The following TMTC1 variants were observed in gnomAD, a reference collection of about 807,000 sequenced individuals.
The protein encoded by TMTC1 is transmembrane O-mannosyltransferase targeting cadherins 1, also known as protein O-mannosyl-transferase TMTC1.
Under a neutral mutation model 104.8 loss-of-function variants are expected in TMTC1, and 73 were observed. That is an observed-to-expected ratio of 0.70 (90% CI 0.58 to 0.85). The LOEUF (loss-of-function observed/expected upper bound fraction) is 0.85. Among genes scored for constraint, TMTC1 ranks in the 40% least tolerant of loss-of-function variants. TMTC1 has a pLI of 0.00. For synonymous variants in TMTC1, 434 were observed against 428.7 expected (o/e 1.01, Z -0.15); for missense variants, 1,035 against 1,096.1 (o/e 0.94, Z 0.79).
chr12:29,647,897 G>A (rs111490958), intron 5 of TMTC1, among the ~76,000 whole-genome samples: 2,289 of 152,258 alleles, frequency 0.015, 55 homozygotes, highest in African/African-American at 0.053. Context: ...TCAAGTGTAG[G>A]CTGCTTTATG....
intron 5 of TMTC1, among the ~76,000 whole-genome samples, chr12:29,637,877 C>A (rs1290402402): frequency 6.6e-6 from 1 of 152,170 alleles, no homozygotes. Context: ...AGTTATTGCT[C>A]ATAGGATCTT....
intron 5 of TMTC1, among the ~76,000 whole-genome samples, chr12:29,744,919 TACTTA>T (rs971835652): frequency 2.0e-5 from 3 of 152,108 alleles, no homozygotes; most frequent in Admixed American, 6.5e-5. Flanking sequence ...ATAAGTTTTG[TACTTA>T]ACTTTTTTTT....
chr12:29,736,489 G>A (rs573719412), intron 5 of TMTC1, among the ~76,000 whole-genome samples: 5 of 151,900 alleles, frequency 3.3e-5, no homozygotes, highest in Admixed American at 6.5e-5. Context: ...GCGCGATCTG[G>A]GCTCACTGCA....
intron 7 of TMTC1, among the ~76,000 whole-genome samples, chr12:29,595,882 C>A (rs1946392481): frequency 6.6e-6 from 1 of 152,196 alleles, no homozygotes. Context: ...GAAAGCTTGA[C>A]AGACTCAGCT....
intron 5 of TMTC1, among the ~76,000 whole-genome samples, chr12:29,655,365 A>AT (rs901783106): frequency 2.3e-4 from 35 of 152,050 alleles, no homozygotes; most frequent in African/African-American, 8.2e-4. Context: ...ATCAGTAACA[A>AT]TTTTTTTTCC....
chr12:29,675,038 G>A (rs1319460964), intron 5 of TMTC1, among the ~76,000 whole-genome samples: 3 of 151,982 alleles, frequency 2.0e-5, no homozygotes, highest in Admixed American at 6.6e-5. Flanking sequence ...TCCAGTCACC[G>A]GACCATGTGC....
At chr12:29,537,662 G>A (rs1224835947) in intron 10 of TMTC1, among the ~76,000 whole-genome samples, 1 of 152,116 alleles carries the variant, frequency 6.6e-6, no homozygotes, top group East Asian at 1.9e-4. Flanking sequence ...AGATTCCCAG[G>A]TGATCTGTAT....
chr12:29,688,957 G>A (rs769166224), intron 5 of TMTC1, among the ~76,000 whole-genome samples: 31 of 152,102 alleles, frequency 2.0e-4, no homozygotes, highest in Middle Eastern at 3.2e-3. Flanking sequence ...AAAGTGTCAG[G>A]TGGGCCAACC....
intron 5 of TMTC1, among the ~76,000 whole-genome samples, chr12:29,693,297 A>G (rs1162688727): frequency 6.9e-6 from 1 of 144,964 alleles, no homozygotes; most frequent in Non-Finnish European, 1.5e-5. Flanking sequence ...AAATACATAC[A>G]ATGTGTGCTG....
intron 7 of TMTC1, among the ~76,000 whole-genome samples, chr12:29,587,692 T>C (rs955805345): frequency 2.0e-5 from 3 of 152,200 alleles, no homozygotes; most frequent in South Asian, 2.1e-4. Flanking sequence ...AGCCATCCTA[T>C]ATTGGAGACT....
intron 6 of TMTC1, among the ~76,000 whole-genome samples, chr12:29,611,680 C>T (rs550103597): frequency 7.9e-5 from 12 of 152,150 alleles, no homozygotes; most frequent in African/African-American, 2.7e-4. Context: ...CATTAGAAAG[C>T]TATGTATTGA....
intron 6 of TMTC1, among the ~76,000 whole-genome samples, chr12:29,629,944 C>T (rs1018626561): frequency 6.6e-6 from 1 of 152,048 alleles, no homozygotes; most frequent in Non-Finnish European, 1.5e-5. Flanking sequence ...CAGCCTTTTA[C>T]CTATTTGCAA....
intron 14 of TMTC1, among the ~76,000 whole-genome samples, chr12:29,517,135 A>C (rs1296614839): frequency 6.6e-6 from 1 of 152,210 alleles, no homozygotes; most frequent in Non-Finnish European, 1.5e-5. Context: ...TACACAATGG[A>C]GTGATAAATG....
chr12:29,502,874 A>G lies in TMTC1; in HGVS notation c.*3972T>C, dbSNP rs189305214. ...GAAGATTCCGAAAGGTCCTCAGGTG[A>G]TTCCAAAGTGCAGCCCGTGTTGAGA... On this transcript the variant is annotated 3_prime_UTR_variant, in exon 18 of 18. Transcript: ENST00000539277. The G allele has an allele frequency of 6.6e-6, 1 of 152,314 alleles. No homozygotes were observed. Among genetic ancestry groups the G allele is most frequent in the African/African-American group, 2.4e-5 (1 of 41,576 alleles). 9.4% of individuals were successfully genotyped at this position (152,314 alleles called of 1,614,324 possible). A position where few individuals can be genotyped will look rare whatever the true frequency, so the allele number is the denominator to read the frequency against.
At chr12:29,586,798 G>T (rs2136341195) in intron 7 of TMTC1, among the ~76,000 whole-genome samples, 1 of 149,732 alleles carries the variant, frequency 6.7e-6, no homozygotes, top group African/African-American at 2.5e-5. Context: ...CTTGATCATG[G>T]TGGATAAGCT....
At chr12:29,655,240 G>A (rs894443866) in intron 5 of TMTC1, among the ~76,000 whole-genome samples, 1 of 152,094 alleles carries the variant, frequency 6.6e-6, no homozygotes, top group Non-Finnish European at 1.5e-5. Flanking sequence ...ACAGAAAGTA[G>A]ACCAGTGGCT....
chr12:29,513,665 G>A (rs1186289640), intron 16 of TMTC1, among the ~76,000 whole-genome samples: 1 of 152,076 alleles, frequency 6.6e-6, no homozygotes, highest in South Asian at 2.1e-4. Context: ...CCAGATATAA[G>A]GAGAAAGTAT....
chr12:29,582,440 G>A (rs1282325382), intron 8 of TMTC1, among the ~76,000 whole-genome samples: 1 of 152,198 alleles, frequency 6.6e-6, no homozygotes, highest in Non-Finnish European at 1.5e-5. Context: ...ACAAGGGGCA[G>A]GCATGTGACT....
intron 5 of TMTC1, among the ~76,000 whole-genome samples, chr12:29,679,637 C>G (rs962912929): frequency 3.6e-5 from 5 of 138,840 alleles, no homozygotes; most frequent in African/African-American, 1.3e-4. Context: ...GTACAACATG[C>G]TATCATTTAT....
Sources: gnomAD v4.1 joint callset for allele counts (sites outside exome capture counted in the v4.1 genomes callset) on GRCh38, gnomAD v4.1.1 for gene constraint, MANE v1.5 for transcripts, NCBI Gene and HGNC (gene_info 2026-07-23, HGNC 2026-07-21) for gene names.